ADAMTSL1: variants seen among roughly 807,000 people sequenced by gnomAD.
The protein encoded by ADAMTSL1 is ADAMTS-like protein 1.
In ADAMTSL1, 126 loss-of-function variants were observed where a neutral mutation model predicts 201.8. The observed-to-expected ratio is 0.62, with a 90% CI of 0.54 to 0.72. The LOEUF (loss-of-function observed/expected upper bound fraction) is 0.72. ADAMTSL1 is among the 30% of genes least tolerant of loss of function. The probability of loss-of-function intolerance (pLI) is 0.00; values close to 1 mark genes in which losing one functional copy is unlikely to be tolerated. For synonymous variants in ADAMTSL1, 1,121 were observed against 903.4 expected (o/e 1.24, Z -4.32); for missense variants, 2,679 against 2,277.8 (o/e 1.18, Z -3.59).
intron 2 of ADAMTSL1, among the ~76,000 whole-genome samples, chr9:18,279,533 A>T (rs1206761899): frequency 1.3e-5 from 2 of 151,496 alleles, no homozygotes; most frequent in African/African-American, 4.9e-5. Flanking sequence ...CACTTCTTCT[A>T]TTCTTTTCAG....
chr9:18,254,814 A>T (rs577463562), intron 2 of ADAMTSL1, among the ~76,000 whole-genome samples: 4 of 152,142 alleles, frequency 2.6e-5, no homozygotes, highest in Admixed American at 6.5e-5. Context: ...GAAGGGGAAA[A>T]TTTTGTCGGC....
intron 15 of ADAMTSL1, among the ~76,000 whole-genome samples, chr9:18,731,880 C>T (rs1350471361): frequency 1.3e-5 from 2 of 152,162 alleles, no homozygotes; most frequent in Non-Finnish European, 2.9e-5. Flanking sequence ...GATACTAAAC[C>T]ATTCATGAGA....
At chr9:17,951,580 A>G (rs1428576769) in intron 1 of ADAMTSL1, among the ~76,000 whole-genome samples, 1 of 150,258 alleles carries the variant, frequency 6.7e-6, no homozygotes, top group Non-Finnish European at 1.5e-5. Context: ...GGTTTCTTGC[A>G]TATTCTGTTT....
chr9:18,050,441 TA>T (rs942926142), intron 1 of ADAMTSL1, among the ~76,000 whole-genome samples: 1 of 151,962 alleles, frequency 6.6e-6, no homozygotes, highest in Admixed American at 6.6e-5. Flanking sequence ...GTAAGAAAAA[TA>T]AAAAAATTAT....
chr9:18,608,250 TA>T (rs1257375558), intron 4 of ADAMTSL1, among the ~76,000 whole-genome samples: 1 of 152,204 alleles, frequency 6.6e-6, no homozygotes, highest in Non-Finnish European at 1.5e-5. Flanking sequence ...GACAACTGAC[TA>T]AACACCAATA....
At chr9:18,163,080 A>G (rs1827468566) in intron 1 of ADAMTSL1, among the ~76,000 whole-genome samples, 1 of 152,042 alleles carries the variant, frequency 6.6e-6, no homozygotes. Flanking sequence ...TATAGGAGTT[A>G]CTTAACAATT....
intron 1 of ADAMTSL1, among the ~76,000 whole-genome samples, chr9:17,972,530 C>A (rs1201525706): frequency 1.4e-4 from 22 of 151,852 alleles, no homozygotes; most frequent in South Asian, 2.1e-4. Context: ...TCCATGGTGT[C>A]TATGTGCCAC....
In ADAMTSL1 at chr9:17,919,449, A is replaced by T. The variant is rs554698938; in HGVS notation, c.87+12527A>T. Among the ~76,000 whole-genome samples the T allele has an allele frequency of 1.6e-4, 24 of 152,142 alleles. No homozygotes were observed. The East Asian group carries it at 3.9e-3, about 24-fold the overall frequency. On this transcript the variant is annotated intron_variant, in intron 1 of 29. Coordinates refer to the ADAMTSL1 transcript ENST00000680146. ...TTGCAACATTTTTGTGAATTCAAAAAGAAATCTTGTACCCTTTATATCACC... is the reference window on the plus strand; with the variant it reads ...TTGCAACATTTTTGTGAATTCAAAATGAAATCTTGTACCCTTTATATCACC...
chr9:18,191,085 G>C (rs577553317), intron 2 of ADAMTSL1, among the ~76,000 whole-genome samples: 1 of 152,252 alleles, frequency 6.6e-6, no homozygotes, highest in South Asian at 2.1e-4. Flanking sequence ...GAAATATTTA[G>C]GTCATATATT....
chr9:18,542,633 A>G (rs1820218275), intron 3 of ADAMTSL1, among the ~76,000 whole-genome samples: 1 of 152,166 alleles, frequency 6.6e-6, no homozygotes, highest in Admixed American at 6.6e-5. Context: ...CCCTCAGTAG[A>G]AACCAACCTT....
chr9:18,884,988 C>G (rs1047117585), intron 23 of ADAMTSL1, among the ~76,000 whole-genome samples: 6 of 152,286 alleles, frequency 3.9e-5, no homozygotes, highest in Middle Eastern at 3.4e-3. Context: ...GTATTGACAT[C>G]CTAACAGTAT....
At chr9:18,440,602 A>T (rs1035573567) in intron 2 of ADAMTSL1, among the ~76,000 whole-genome samples, 1 of 150,448 alleles carries the variant, frequency 6.6e-6, no homozygotes. Flanking sequence ...TCAGATGTAT[A>T]ATATATATAT....
rs1830524757 is a variant in ADAMTSL1 at position 18,910,193 on chromosome 9, A to C, written c.*1645A>C. ...CACCTAGTGAGCTGTGGACAGGTTT[A>C]AGTTGGGTCTCCTTCTTCTTCACCA... On this transcript the variant is annotated 3_prime_UTR_variant, in exon 29 of 29. Transcript: ENST00000380548. 6.6e-6 allele frequency: 1 copy of C among 152,166 alleles called. No homozygotes were observed. The highest frequency in any genetic ancestry group is 1.5e-5 in the Non-Finnish European group (1 of 68,016). 9.4% of individuals were successfully genotyped at this position (152,166 alleles called of 1,614,324 possible). A position where few individuals can be genotyped will look rare whatever the true frequency, so the allele number is the denominator to read the frequency against.
At chr9:18,697,509 T>G (rs1036265346) in intron 13 of ADAMTSL1, among the ~76,000 whole-genome samples, 1 of 152,174 alleles carries the variant, frequency 6.6e-6, no homozygotes, top group Admixed American at 6.5e-5. Context: ...GTAATCTCTT[T>G]TGCCTATTTC....
intron 23 of ADAMTSL1, among the ~76,000 whole-genome samples, chr9:18,886,813 C>A (rs1258905012): frequency 6.6e-6 from 1 of 152,218 alleles, no homozygotes; most frequent in Non-Finnish European, 1.5e-5. Context: ...GGGGTATACA[C>A]AAACCCTCAG....
rs564967600 is a variant in ADAMTSL1 at position 18,655,440 on chromosome 9, A to C, written c.835-2199A>C. Among the ~76,000 whole-genome samples, 3 of 152,320 alleles carry C rather than the reference A, an allele frequency of 2.0e-5. No individual in the cohort carries two copies. The East Asian group carries it at 5.8e-4, about 29-fold the overall frequency. On this transcript the variant is annotated intron_variant, in intron 7 of 28. Coordinates refer to ENST00000380548, the MANE Select transcript of ADAMTSL1 (RefSeq NM_001040272.6). ...TCTTTTTTATTAACATAAGGAGGTCAAAATTACATATACCAGATGTGTTTA... is the reference window on the plus strand; with the variant it reads ...TCTTTTTTATTAACATAAGGAGGTCCAAATTACATATACCAGATGTGTTTA...
Position 18,863,922 on chromosome 9 carries a change from C to T in ADAMTSL1, c.4250-23909C>T, listed in dbSNP as rs16937158. Among the ~76,000 whole-genome samples, 1,275 of 152,262 alleles carry T rather than the reference C, an allele frequency of 8.4e-3. 18 individuals carry two copies. The highest frequency in any genetic ancestry group is 0.028 in the African/African-American group (1,177 of 41,556). The stretch of plus-strand genomic sequence containing the variant: ...GGAAAGGACTCCCAGACTGACTACA[C>T]CAAGTGCCAAGTTTCATCCCGACAC... On this transcript the variant is annotated intron_variant, in intron 23 of 28. Coordinates refer to ENST00000380548, the MANE Select transcript of ADAMTSL1 (RefSeq NM_001040272.6).
At chr9:18,113,394 G>A (rs1223841767) in intron 1 of ADAMTSL1, among the ~76,000 whole-genome samples, 1 of 152,138 alleles carries the variant, frequency 6.6e-6, no homozygotes. Context: ...AGCAAGATAA[G>A]TTCCATATAT....
chr9:18,064,585 C>A (rs960241813), intron 1 of ADAMTSL1, among the ~76,000 whole-genome samples: 2 of 152,098 alleles, frequency 1.3e-5, no homozygotes, highest in Non-Finnish European at 2.9e-5. Context: ...AGCAGAACTT[C>A]TCTCTCCTTT....
Sources: allele counts gnomAD v4.1 joint callset (sites outside exome capture counted in the v4.1 genomes callset), GRCh38; gene constraint gnomAD v4.1.1; transcripts MANE v1.5; gene names NCBI Gene and HGNC (gene_info 2026-07-23, HGNC 2026-07-21).